The following TANC2 variants were observed in gnomAD, a reference collection of about 807,000 sequenced individuals.
TANC2 encodes tetratricopeptide repeat, ankyrin repeat and coiled-coil containing 2.
A neutral mutation model predicts 210.5 loss-of-function variants in TANC2; 26 were observed. The observed-to-expected ratio is 0.12, with a 90% CI of 0.09 to 0.17. TANC2 has a LOEUF of 0.17. Ranked by LOEUF, TANC2 falls within the 10% of genes least tolerant of loss-of-function variation. TANC2 has a pLI of 1.00. For missense variants in TANC2, 2,129 were observed against 2,608.9 expected (o/e 0.82, Z 4.01); for synonymous variants, 931 against 967.1 (o/e 0.96, Z 0.69).
chr17:63,132,116 A>G (rs2038938903), intron 4 of TANC2, among the ~76,000 whole-genome samples: 1 of 152,174 alleles, frequency 6.6e-6, no homozygotes, highest in African/African-American at 2.4e-5. Flanking sequence ...ACAGTGTTAC[A>G]TTAGTAAAAT....
chr17:63,096,124 C>T (rs2037379034), intron 3 of TANC2, among the ~76,000 whole-genome samples: 2 of 151,888 alleles, frequency 1.3e-5, no homozygotes, highest in South Asian at 2.1e-4. Context: ...TAAAATACTG[C>T]AATTTCATAT....
chr17:63,417,468 A>G (rs1404493374), intron 26 of TANC2, among the ~76,000 whole-genome samples: 2 of 152,048 alleles, frequency 1.3e-5, no homozygotes, highest in Non-Finnish European at 2.9e-5. Context: ...CAGGAATGAC[A>G]TGCCTGTGAG....
At chr17:63,083,764 C>T (rs921555191) in intron 3 of TANC2, among the ~76,000 whole-genome samples, 1 of 152,096 alleles carries the variant, frequency 6.6e-6, no homozygotes, top group African/African-American at 2.4e-5. Context: ...GATTTTTCTT[C>T]TTTAGCCTGT....
At chr17:63,364,534 G>A (rs971658197) in intron 14 of TANC2, among the ~76,000 whole-genome samples, 13 of 152,046 alleles carry the variant, frequency 8.6e-5, no homozygotes, top group Non-Finnish European at 1.8e-4. Context: ...AGAGTGCATC[G>A]TTTTATGAGT....
At chr17:63,221,081 A>C (rs914624197) in intron 7 of TANC2, among the ~76,000 whole-genome samples, 1 of 151,988 alleles carries the variant, frequency 6.6e-6, no homozygotes, top group Admixed American at 6.6e-5. Flanking sequence ...ATTAACCCTA[A>C]AAGAAAAATA....
intron 7 of TANC2, among the ~76,000 whole-genome samples, chr17:63,231,255 A>G (rs1041566386): frequency 6.6e-6 from 1 of 152,150 alleles, no homozygotes; most frequent in African/African-American, 2.4e-5. Context: ...TAGTCCATTT[A>G]CATTTAAGGT....
chr17:63,264,702 G>A (rs1276895871), intron 8 of TANC2, among the ~76,000 whole-genome samples: 1 of 152,146 alleles, frequency 6.6e-6, no homozygotes, highest in Non-Finnish European at 1.5e-5. Flanking sequence ...TGCTAATAGT[G>A]TGTGTGGCTT....
chr17:63,062,611 G>A (rs2036035568), intron 2 of TANC2, among the ~76,000 whole-genome samples: 1 of 152,086 alleles, frequency 6.6e-6, no homozygotes, highest in Non-Finnish European at 1.5e-5. Flanking sequence ...TCTAGTGATT[G>A]CCAGTTTCGT....
chr17:62,987,033 A>G (rs984732900), intron 1 of TANC2, among the ~76,000 whole-genome samples: 5 of 152,130 alleles, frequency 3.3e-5, no homozygotes, highest in Non-Finnish European at 7.4e-5. Flanking sequence ...CTGCATATGA[A>G]CATGTAGCTA....
In TANC2 at chr17:63,242,150, T is replaced by C. The variant is rs953430137; in HGVS notation, c.1033+4073T>C. ...AAAGAATGTAGAATTACTTTGCTCT[T>C]CTTAAACAGACATATCTCTTGAGAT... On this transcript the variant is annotated intron_variant, in intron 8 of 27. Transcript: ENST00000689528. 4.6e-5 allele frequency among the ~76,000 whole-genome samples: 7 copies of C among 152,148 alleles called. No homozygotes were observed. In the East Asian group the frequency reaches 1.3e-3, roughly 29 times the overall value.
At chr17:63,364,985 T>C (rs974271049) in intron 14 of TANC2, among the ~76,000 whole-genome samples, 3 of 152,122 alleles carry the variant, frequency 2.0e-5, no homozygotes, top group African/African-American at 7.2e-5. Context: ...GGCAGGCGAT[T>C]AAGGGAAATT....
intron 7 of TANC2, among the ~76,000 whole-genome samples, chr17:63,220,565 G>A (rs1245962217): frequency 1.3e-5 from 2 of 151,282 alleles, no homozygotes; most frequent in Admixed American, 1.3e-4. Context: ...TTAGCCAGGT[G>A]TGGTAGCGCG....
chr17:62,971,214 G>A (rs551021190), intron 1 of TANC2, among the ~76,000 whole-genome samples: 3 of 152,268 alleles, frequency 2.0e-5, no homozygotes, highest in East Asian at 3.9e-4. Context: ...GTGATGCAGA[G>A]TGTATATCCC....
At chr17:63,266,841 T>G (rs2043544686) in intron 8 of TANC2, among the ~76,000 whole-genome samples, 1 of 152,100 alleles carries the variant, frequency 6.6e-6, no homozygotes, top group Non-Finnish European at 1.5e-5. Context: ...TTTCTTCCTT[T>G]TTTTGTGGTG....
At chr17:63,225,796 T>G (rs1282080235) in intron 7 of TANC2, among the ~76,000 whole-genome samples, 1 of 152,248 alleles carries the variant, frequency 6.6e-6, no homozygotes, top group Non-Finnish European at 1.5e-5. Context: ...CTAACTTTTC[T>G]GTTTGCCTTC....
chr17:63,377,398 C>T (rs2047458543), intron 14 of TANC2, among the ~76,000 whole-genome samples: 1 of 152,156 alleles, frequency 6.6e-6, no homozygotes. Flanking sequence ...AAATTTCTTC[C>T]ACTAGATACC....
At chr17:63,020,445 A>C (rs1489133261) in intron 2 of TANC2, among the ~76,000 whole-genome samples, 1 of 152,198 alleles carries the variant, frequency 6.6e-6, no homozygotes, top group East Asian at 1.9e-4. Context: ...CTGGGACTGC[A>C]GGCACACGCC....
rs879934418 is a variant in TANC2, at chr17:62,966,592, G to A, written c.-181G>A. 2.0e-5 allele frequency among the ~76,000 whole-genome samples: 3 copies of A among 151,294 alleles called. No individual in the cohort carries two copies. Among genetic ancestry groups the A allele is most frequent in the Non-Finnish European group, 4.4e-5 (3 of 67,774 alleles). On this transcript the variant is annotated 5_prime_UTR_variant, in exon 1 of 28. Coordinates refer to ENST00000689528, the Ensembl canonical transcript of TANC2. This position sits in a 1 kb window ranked among gnomAD's most constrained non-coding sequence, Gnocchi z 5.1. ...CTGCGCTCGCCGGCTGCGAGGCCCC[G>A]CCGCGCCGTTCCGGGGTGCAGACTC... is the stretch of plus-strand genomic sequence containing the variant.
intron 2 of TANC2, among the ~76,000 whole-genome samples, chr17:63,050,397 G>A (rs1368616378): frequency 6.6e-6 from 1 of 151,776 alleles, no homozygotes; most frequent in African/African-American, 2.4e-5. Flanking sequence ...GAAATATAGG[G>A]TAGGCAACTC....
Sources: gnomAD v4.1 joint callset for allele counts (sites outside exome capture counted in the v4.1 genomes callset) on GRCh38, gnomAD v4.1.1 for gene constraint, Gnocchi (gnomAD v3.1) non-coding constraint, MANE v1.5 for transcripts, NCBI Gene and HGNC (gene_info 2026-07-23, HGNC 2026-07-21) for gene names.